GALNT9: variants seen among roughly 807,000 people sequenced by gnomAD.
The protein encoded by GALNT9 is GalNAc transferase 9.
A neutral mutation model predicts 63.1 loss-of-function variants in GALNT9; 47 were observed. The ratio of observed to expected loss-of-function variants is 0.75; its 90% CI spans 0.59 to 0.95. The LOEUF (loss-of-function observed/expected upper bound fraction) is 0.95. GALNT9 is among the 40% of genes least tolerant of loss of function. GALNT9 has a pLI of 0.00. For missense variants in GALNT9, 829 were observed against 874.8 expected (o/e 0.95, Z 0.66); for synonymous variants, 396 against 365.7 (o/e 1.08, Z -0.94).
chr12:132,208,216 C>A (rs1876807951), intron 6 of GALNT9, among the ~76,000 whole-genome samples: 1 of 151,960 alleles, frequency 6.6e-6, no homozygotes, highest in Non-Finnish European at 1.5e-5. Flanking sequence ...ACCTAAGGAT[C>A]AGGCAAAATC....
In GALNT9 at chr12:132,315,121, G is replaced by T. The variant is rs1335040003; in HGVS notation, c.238+13845C>A. 6.6e-6 allele frequency among the ~76,000 whole-genome samples: 1 copy of T among 152,200 alleles called. No homozygotes were observed. The highest frequency in any genetic ancestry group is 2.4e-5 in the African/African-American group (1 of 41,448). ...TGGCCCAGGGGGAGGTGGTGGGGCC[G>T]GGCTCTGAGTCCAGGCGGCCCAGCG... On this transcript the variant is annotated intron_variant, in intron 1 of 10. Coordinates refer to ENST00000328957, the MANE Select transcript of GALNT9 (RefSeq NM_001122636.2). The surrounding 1 kb of genome is among the most constrained non-coding windows in gnomAD (Gnocchi z 6.1).
Position 132,196,836 on chromosome 12 carries a change from T to G in GALNT9, c.*271A>C. 1.6e-6 allele frequency: 2 copies of G among 1,264,824 alleles called. No homozygotes were observed. Among genetic ancestry groups the G allele is most frequent in the Non-Finnish European group, 2.0e-6 (2 of 998,250 alleles). 78.4% of individuals were successfully genotyped at this position (1,264,824 alleles called of 1,614,324 possible). ...CTGTCCCAGCAGCCTGGCCAGGAGA[T>G]ACCGTGGAGAAGGCACGTGTTTGAG... On this transcript the variant is annotated 3_prime_UTR_variant, in exon 11 of 11. Transcript: ENST00000328957.
intron 5 of GALNT9, among the ~76,000 whole-genome samples, chr12:132,254,185 C>T (rs148384817): frequency 3.3e-5 from 5 of 152,122 alleles, no homozygotes; most frequent in African/African-American, 9.6e-5. Context: ...CCACGCCCTG[C>T]GAATTTTTGT....
intron 6 of GALNT9, among the ~76,000 whole-genome samples, chr12:132,207,581 T>C (rs1393172836): frequency 6.6e-6 from 1 of 152,096 alleles, no homozygotes; most frequent in African/African-American, 2.4e-5. Context: ...CTCTCGGCCC[T>C]CGGGTCCCCC....
At chr12:132,198,870 T>G (rs948406990) in intron 9 of GALNT9, among the ~76,000 whole-genome samples, 1 of 152,180 alleles carries the variant, frequency 6.6e-6, no homozygotes, top group African/African-American at 2.4e-5. Flanking sequence ...CAGACTGGTC[T>G]CAATTCCTGG....
chr12:132,241,058 C>A (rs1591588595), intron 6 of GALNT9, among the ~76,000 whole-genome samples: 1 of 137,690 alleles, frequency 7.3e-6, no homozygotes, highest in Non-Finnish European at 1.6e-5. Context: ...CCTCCCTATA[C>A]CCATTACACA....
chr12:132,203,133 G>C (rs548626649), intron 7 of GALNT9, among the ~76,000 whole-genome samples: 1 of 152,176 alleles, frequency 6.6e-6, no homozygotes, highest in Non-Finnish European at 1.5e-5. Context: ...GGAGGGGTCC[G>C]CACTGGCTGA....
At chr12:132,199,295 G>A (rs1166608884) in intron 8 of GALNT9, 26 bp from the exon 9 acceptor site, 1 of 1,542,082 alleles carries the variant, frequency 6.5e-7, no homozygotes, top group East Asian at 2.3e-5. Flanking sequence ...CCAGGAGAAA[G>A]TCCAGAGTCA....
intron 6 of GALNT9, among the ~76,000 whole-genome samples, chr12:132,208,184 CTG>C (rs1806340658): frequency 6.6e-6 from 1 of 152,352 alleles, no homozygotes; most frequent in South Asian, 2.1e-4. Context: ...CTTCTCCACT[CTG>C]TGGGCCAGAG....
chr12:132,260,067 G>GGTGCGGGGCCTGGCCCGGGTGCAGGGA (rs1879317069), intron 4 of GALNT9, among the ~76,000 whole-genome samples: 3 of 151,916 alleles, frequency 2.0e-5, no homozygotes, highest in Admixed American at 6.5e-5. Context: ...GTGCACTATG[G>GGTGCGGGGCCTGGCCCGGGTGCAGGGA]ACCCCGTAGG....
At chr12:132,302,738 G>A (rs1442735513) in intron 1 of GALNT9, among the ~76,000 whole-genome samples, 2 of 152,244 alleles carry the variant, frequency 1.3e-5, no homozygotes, top group Admixed American at 1.3e-4. Context: ...GGAGGGAAGA[G>A]AAAGGCCAGG....
intron 6 of GALNT9, among the ~76,000 whole-genome samples, chr12:132,222,955 ACACCCCACACAACCCG>A (rs1877520456): frequency 2.6e-5 from 2 of 77,030 alleles, no homozygotes; most frequent in African/African-American, 4.9e-5. Context: ...CACACAACTC[ACACCCCACACAACCCG>A]CACCCCACAC....
rs1878087447 is a variant in GALNT9, at chr12:132,238,496, A to G, written c.1077+9414T>C. Among the ~76,000 whole-genome samples, 1 of 152,164 alleles carries G rather than the reference A, an allele frequency of 6.6e-6. No homozygotes were observed. Among genetic ancestry groups the G allele is most frequent in the Non-Finnish European group, 1.5e-5 (1 of 68,022 alleles). On this transcript the variant is annotated intron_variant, in intron 6 of 10. Transcript: ENST00000328957. This position sits in a 1 kb window ranked among gnomAD's most constrained non-coding sequence, Gnocchi z 6.5. ...TGGACATTGTGCCACTGCTGGTGCC[A>G]GAGAGACCACGGTTTTGCAGATGCC...
Position 132,310,766 on chromosome 12 carries a change from G to T in GALNT9, c.238+18200C>A, listed in dbSNP as rs560416163. On this transcript the variant is annotated intron_variant, in intron 1 of 10. Transcript: ENST00000328957. This position sits in a 1 kb window ranked among gnomAD's most constrained non-coding sequence, Gnocchi z 4.8. ...GGAGGAAGGGGCAGAGGGAGCGCGC[G>T]CTGGGAAGGTGGGAGCCACGCTGTC... Among the ~76,000 whole-genome samples, 2 of 152,152 alleles carry T rather than the reference G, an allele frequency of 1.3e-5. No individual in the cohort carries two copies. The highest frequency in any genetic ancestry group is 2.1e-4 in the South Asian group (1 of 4,824).
At position 132,260,025 on chromosome 12, in the gene GALNT9, C is replaced by T. The variant is rs567386291; in HGVS notation, c.761+923G>A. ...GAACACACCCTGAGCATTGTGGGCG[C>T]GGGGCCTGCCTGGGTGCAGGGAACA... On this transcript the variant is annotated intron_variant, in intron 4 of 10. Coordinates refer to ENST00000328957, the MANE Select transcript of GALNT9 (RefSeq NM_001122636.2). 6.2e-3 allele frequency among the ~76,000 whole-genome samples: 458 copies of T among 73,708 alleles called. 18 individuals carry two copies. The highest frequency in any genetic ancestry group is 0.013 in the African/African-American group (437 of 33,444). The allele number at this position is 73,708 out of a possible 152,430, so 48.4% of individuals were successfully genotyped here.
intron 6 of GALNT9, among the ~76,000 whole-genome samples, chr12:132,241,822 A>C (rs1251499088): frequency 1.2e-4 from 1 of 8,472 alleles, no homozygotes; most frequent in Non-Finnish European, 1.9e-4. Context: ...CCCTCCCTAT[A>C]CCCATTAAAC....
In GALNT9 at chr12:132,196,799, C is replaced by T. The variant is rs1033336064; in HGVS notation, c.*308G>A. ...GGGGCGTGGGGGGCTGTGGTACATGCAGAGGCGGCGGCTGTCCCAGCAGCC... is the reference window on the plus strand; with the variant it reads ...GGGGCGTGGGGGGCTGTGGTACATGTAGAGGCGGCGGCTGTCCCAGCAGCC... On this transcript the variant is annotated 3_prime_UTR_variant, in exon 11 of 11. Coordinates refer to ENST00000328957, the MANE Select transcript of GALNT9 (RefSeq NM_001122636.2). 6.9e-5 allele frequency: 80 copies of T among 1,153,240 alleles called. No individual in the cohort carries two copies. Among genetic ancestry groups the T allele is most frequent in the Non-Finnish European group, 8.5e-5 (79 of 932,064 alleles). 71.4% of individuals were successfully genotyped at this position (1,153,240 alleles called of 1,614,324 possible).
At chr12:132,239,091 G>A (rs2135528952) in intron 6 of GALNT9, among the ~76,000 whole-genome samples, 1 of 152,024 alleles carries the variant, frequency 6.6e-6, no homozygotes, top group South Asian at 2.1e-4. Context: ...AAGAGAACGG[G>A]GGTACTTTTC....
intron 1 of GALNT9, among the ~76,000 whole-genome samples, chr12:132,318,249 C>T (rs1459924863): frequency 6.6e-6 from 1 of 152,222 alleles, no homozygotes; most frequent in East Asian, 1.9e-4. Flanking sequence ...GAGCACAGCC[C>T]CTCTGGCCAG....
Sources: gnomAD v4.1 joint callset for allele counts (sites outside exome capture counted in the v4.1 genomes callset) on GRCh38, gnomAD v4.1.1 for gene constraint, Gnocchi (gnomAD v3.1) non-coding constraint, MANE v1.5 for transcripts, NCBI Gene and HGNC (gene_info 2026-07-23, HGNC 2026-07-21) for gene names.